NT5C2: variants seen among roughly 807,000 people sequenced by gnomAD.
The protein encoded by NT5C2 is 5'-nucleotidase, cytosolic II.
NT5C2 carries 58 observed loss-of-function variants against 76.1 expected under a neutral mutation model. The observed-to-expected ratio is 0.76, with a 90% CI of 0.62 to 0.95. The LOEUF (loss-of-function observed/expected upper bound fraction) is 0.95, where lower values mean the gene tolerates loss of function less well. Ranked by LOEUF, NT5C2 falls within the 40% of genes least tolerant of loss-of-function variation. The pLI is 0.00. For missense variants in NT5C2, 478 were observed against 690.3 expected (o/e 0.69, Z 3.45); for synonymous variants, 229 against 237.4 (o/e 0.96, Z 0.32).
At chr10:103,122,883 T>A (rs944778588) in intron 4 of NT5C2, among the ~76,000 whole-genome samples, 1 of 152,186 alleles carries the variant, frequency 6.6e-6, no homozygotes, top group Non-Finnish European at 1.5e-5. Context: ...TCTACAACTA[T>A]CCACTTCTTT....
chr10:103,157,843 G>C (rs894288519), intron 3 of NT5C2, among the ~76,000 whole-genome samples: 1 of 152,122 alleles, frequency 6.6e-6, no homozygotes, highest in Non-Finnish European at 1.5e-5. Flanking sequence ...GGGAGGCTGA[G>C]GCGGACAGAT....
intron 1 of NT5C2, among the ~76,000 whole-genome samples, chr10:103,187,092 A>G (rs867635700): frequency 6.6e-6 from 1 of 151,874 alleles, no homozygotes; most frequent in South Asian, 2.1e-4. Context: ...TCTACTAAAA[A>G]TACAAAAATT....
rs897123787 is a variant in NT5C2 at position 103,094,709 on chromosome 10, C to G, written c.814-254G>C. Among the ~76,000 whole-genome samples the G allele has an allele frequency of 3.3e-5, 5 of 152,178 alleles. No individual in the cohort carries two copies. The East Asian group carries it at 9.7e-4, about 29-fold the overall frequency. On this transcript the variant is annotated intron_variant, in intron 12 of 18. Transcript: ENST00000404739. ...CCATCCTGGCCAACATGGTGAAAAC[C>G]TGTCTCTACTAAAACTACAAAAATT...
intron 4 of NT5C2, among the ~76,000 whole-genome samples, chr10:103,118,810 G>T (rs2075009973): frequency 6.7e-6 from 1 of 150,220 alleles, no homozygotes. Context: ...TTGTTTGTTT[G>T]TTTTTTAAGG....
At chr10:103,090,099 A>G (rs2066331416) in intron 18 of NT5C2, 191 bp from the exon 19 acceptor site, 1 of 469,976 alleles carries the variant, frequency 2.1e-6, no homozygotes, top group Non-Finnish European at 3.7e-6. Context: ...GCCCCTCAAA[A>G]TGGTGCCCAT....
chr10:103,156,979 C>A (rs1040471087), intron 3 of NT5C2, among the ~76,000 whole-genome samples: 2 of 151,888 alleles, frequency 1.3e-5, no homozygotes, highest in African/African-American at 4.8e-5. Flanking sequence ...ATGCCGTGAA[C>A]CCATATGTCT....
chr10:103,111,755 T>C, intron 4 of NT5C2: 1 of 1,231,988 alleles, frequency 8.1e-7, no homozygotes. Context: ...ATGAGGCAGA[T>C]GCAGATGCAG....
intron 4 of NT5C2, among the ~76,000 whole-genome samples, chr10:103,123,523 G>A (rs539898781): frequency 9.2e-5 from 14 of 152,184 alleles, no homozygotes; most frequent in African/African-American, 3.4e-4. Flanking sequence ...CCTTATTTTT[G>A]TACAATGTTG....
At chr10:103,129,185 G>A (rs1221405366) in intron 4 of NT5C2, among the ~76,000 whole-genome samples, 37 of 91,814 alleles carry the variant, frequency 4.0e-4, no homozygotes, top group African/African-American at 1.5e-3. Context: ...GCCTCTGCCC[G>A]GCCGCCCCTA....
At chr10:103,096,532 A>G (rs1214314616) in intron 11 of NT5C2, among the ~76,000 whole-genome samples, 1 of 152,124 alleles carries the variant, frequency 6.6e-6, no homozygotes, top group African/African-American at 2.4e-5. Flanking sequence ...TAATCATGGG[A>G]AAAAACTGTT....
At chr10:103,143,341 A>C (rs1168972142) in intron 3 of NT5C2, among the ~76,000 whole-genome samples, 2 of 152,128 alleles carry the variant, frequency 1.3e-5, no homozygotes, top group Non-Finnish European at 2.9e-5. Context: ...GGATGCAAAA[A>C]GCCTCCACTG....
rs1173523893 is a variant in NT5C2, at chr10:103,089,555, G to A, written c.*117C>T. On this transcript the variant is annotated 3_prime_UTR_variant, in exon 19 of 19. Transcript: ENST00000404739. Reference sequence around the variant, plus strand: ...TAAAATCTTCAGAAACTTTTCAGACGTACCTTTCATGGAGCCCCCTCCCTC... The same window carrying A: ...TAAAATCTTCAGAAACTTTTCAGACATACCTTTCATGGAGCCCCCTCCCTC... 1.1e-5 allele frequency: 15 copies of A among 1,415,234 alleles called. No homozygotes were observed. Among genetic ancestry groups the A allele is most frequent in the South Asian group, 1.7e-5 (1 of 58,956 alleles). 87.7% of individuals were successfully genotyped at this position (1,415,234 alleles called of 1,614,324 possible).
intron 11 of NT5C2, 68 bp downstream of exon 11, chr10:103,097,223 T>C (rs1315867897): frequency 9.5e-6 from 11 of 1,162,962 alleles, no homozygotes; most frequent in South Asian, 7.0e-5. Flanking sequence ...ATCTTCCTCA[T>C]TGTCTTCACA....
At chr10:103,175,617 C>T in intron 2 of NT5C2, 1 of 211,394 alleles carries the variant, frequency 4.7e-6, no homozygotes, top group Non-Finnish European at 9.9e-6. Context: ...GCAGGTGCTT[C>T]CCCTGCAAAG....
At chr10:103,150,859 A>T (rs1160909495) in intron 3 of NT5C2, among the ~76,000 whole-genome samples, 1 of 152,208 alleles carries the variant, frequency 6.6e-6, no homozygotes, top group East Asian at 1.9e-4. Flanking sequence ...CAAGTCTTTT[A>T]TCAGATATAA....
intron 4 of NT5C2, among the ~76,000 whole-genome samples, chr10:103,116,815 T>C (rs1464000084): frequency 6.6e-6 from 1 of 151,710 alleles, no homozygotes; most frequent in African/African-American, 2.4e-5. Context: ...CCTTAAGTGA[T>C]CCTCTCGCCT....
At chr10:103,094,112 A>AACCCCCCC in intron 13 of NT5C2, 74 bp from the exon 14 acceptor site, 1 of 710,898 alleles carries the variant, frequency 1.4e-6, no homozygotes, top group East Asian at 4.9e-5. Flanking sequence ...CAACCCTCCC[A>AACCCCCCC]TCCCACCCCC....
intron 4 of NT5C2, among the ~76,000 whole-genome samples, chr10:103,130,558 AT>A (rs957354804): frequency 2.2e-5 from 3 of 133,688 alleles, no homozygotes; most frequent in Non-Finnish European, 3.1e-5. Context: ...CAATAAAAAA[AT>A]AAATTTAAAA....
intron 6 of NT5C2, among the ~76,000 whole-genome samples, chr10:103,101,536 G>A (rs1172367195): frequency 6.9e-6 from 1 of 144,720 alleles, no homozygotes; most frequent in Non-Finnish European, 1.5e-5. Flanking sequence ...TTTTAAGACA[G>A]TCTTGCTATT....
Sources: allele counts gnomAD v4.1 joint callset (sites outside exome capture counted in the v4.1 genomes callset), GRCh38; gene constraint gnomAD v4.1.1; transcripts MANE v1.5; gene names NCBI Gene and HGNC (gene_info 2026-07-23, HGNC 2026-07-21).